MSRA: variants seen among roughly 807,000 people sequenced by gnomAD.
MSRA encodes methionine sulfoxide reductase A.
MSRA carries 54 observed loss-of-function variants against 31.3 expected under a neutral mutation model. The observed-to-expected ratio is 1.73, with a 90% CI of 1.39 to 2.17. The LOEUF (loss-of-function observed/expected upper bound fraction) is 2.17. Among genes scored for constraint, MSRA ranks in the 30% most tolerant of loss-of-function variants. MSRA has a pLI of 0.00. For missense variants in MSRA, 507 were observed against 300.9 expected (o/e 1.69, Z -5.07); for synonymous variants, 169 against 116.5 (o/e 1.45, Z -2.90).
intron 1 of MSRA, among the ~76,000 whole-genome samples, chr8:10,104,912 C>G (rs897346346): frequency 2.0e-5 from 3 of 152,130 alleles, no homozygotes; most frequent in Non-Finnish European, 4.4e-5. Context: ...GCTAGAGTAT[C>G]AATGTTCTTG....
At chr8:10,339,450 A>ATTCAGTGTCT (rs1033124596) in intron 5 of MSRA, among the ~76,000 whole-genome samples, 3 of 151,510 alleles carry the variant, frequency 2.0e-5, no homozygotes, top group Non-Finnish European at 2.9e-5. Context: ...AGTACAATGA[A>ATTCAGTGTCT]TTCAGTGTCT....
intron 2 of MSRA, among the ~76,000 whole-genome samples, chr8:10,227,119 A>G (rs1020477972): frequency 1.3e-5 from 2 of 152,178 alleles, no homozygotes; most frequent in African/African-American, 4.8e-5. Flanking sequence ...CATTCTGAGG[A>G]GAGCAGATAG....
chr8:10,269,013 T>A (rs1357140397), intron 3 of MSRA, among the ~76,000 whole-genome samples: 1 of 152,248 alleles, frequency 6.6e-6, no homozygotes, highest in Non-Finnish European at 1.5e-5. Context: ...CAAACCCATT[T>A]GCAGGTGCGC....
At chr8:10,241,350 G>A (rs1812394925) in intron 2 of MSRA, among the ~76,000 whole-genome samples, 1 of 152,042 alleles carries the variant, frequency 6.6e-6, no homozygotes, top group Non-Finnish European at 1.5e-5. Context: ...ATTTGAAGAG[G>A]GTCTCACTGG....
chr8:10,221,369 C>T (rs1810477952), intron 2 of MSRA, among the ~76,000 whole-genome samples: 1 of 151,792 alleles, frequency 6.6e-6, no homozygotes, highest in African/African-American at 2.4e-5. Flanking sequence ...ACACTTGTAC[C>T]AGCACCACCC....
intron 5 of MSRA, among the ~76,000 whole-genome samples, chr8:10,400,239 G>T (rs976286922): frequency 4.6e-5 from 7 of 152,076 alleles, no homozygotes; most frequent in South Asian, 4.1e-4. Flanking sequence ...AGGGAGAGGG[G>T]CTAAGAGTGG....
At chr8:10,144,128 C>T (rs947835238) in intron 1 of MSRA, among the ~76,000 whole-genome samples, 4 of 152,166 alleles carry the variant, frequency 2.6e-5, no homozygotes, top group African/African-American at 7.2e-5. Flanking sequence ...GGATCGCCAC[C>T]ATCTTTAGGA....
At chr8:10,114,421 C>T (rs1385274782) in intron 1 of MSRA, among the ~76,000 whole-genome samples, 1 of 152,190 alleles carries the variant, frequency 6.6e-6, no homozygotes, top group Non-Finnish European at 1.5e-5. Flanking sequence ...AACTGTTTTT[C>T]ACAATAGCTG....
intron 5 of MSRA, among the ~76,000 whole-genome samples, chr8:10,323,127 G>A (rs1436571093): frequency 6.7e-6 from 1 of 148,904 alleles, no homozygotes; most frequent in African/African-American, 2.5e-5. Flanking sequence ...AGAGGGCTTA[G>A]TACCCGAGGA....
At chr8:10,259,566 C>A (rs1046908966) in intron 3 of MSRA, among the ~76,000 whole-genome samples, 6 of 152,136 alleles carry the variant, frequency 3.9e-5, no homozygotes, top group African/African-American at 1.2e-4. Context: ...CCCTCCCTTT[C>A]CCCATTCCCA....
chr8:10,221,635 G>A (rs577007922), intron 2 of MSRA, among the ~76,000 whole-genome samples: 1 of 152,094 alleles, frequency 6.6e-6, no homozygotes, highest in African/African-American at 2.4e-5. Flanking sequence ...ATCTCTAGCA[G>A]CTTATACTCC....
At chr8:10,110,599 G>T (rs1800208170) in intron 1 of MSRA, among the ~76,000 whole-genome samples, 1 of 152,220 alleles carries the variant, frequency 6.6e-6, no homozygotes, top group Non-Finnish European at 1.5e-5. Context: ...TTTGGAGGAT[G>T]AGTTAAATAT....
At chr8:10,071,458 CTTTT>C (rs77512999) in intron 1 of MSRA, among the ~76,000 whole-genome samples, 1 of 129,272 alleles carries the variant, frequency 7.7e-6, no homozygotes, top group Non-Finnish European at 1.6e-5. Flanking sequence ...TTTTAATTTT[CTTTT>C]TTTTTTTTTT....
At chr8:10,171,024 T>G (rs994089754) in intron 1 of MSRA, among the ~76,000 whole-genome samples, 3 of 152,160 alleles carry the variant, frequency 2.0e-5, no homozygotes, top group Non-Finnish European at 2.9e-5. Context: ...AAGCAGTCAG[T>G]TTTTCACCAT....
chr8:10,187,094 C>G (rs1227146011), intron 1 of MSRA, among the ~76,000 whole-genome samples: 2 of 152,176 alleles, frequency 1.3e-5, no homozygotes, highest in Non-Finnish European at 2.9e-5. Context: ...ATTTTAAAGA[C>G]ATGGGTACCT....
At chr8:10,321,953 GT>G (rs1802068340) in intron 5 of MSRA, among the ~76,000 whole-genome samples, 1 of 152,208 alleles carries the variant, frequency 6.6e-6, no homozygotes, top group Non-Finnish European at 1.5e-5. Flanking sequence ...AAGCTGCTAA[GT>G]TTTAGAGTAA....
intron 5 of MSRA, among the ~76,000 whole-genome samples, chr8:10,355,350 G>T (rs1000946065): frequency 6.6e-6 from 1 of 152,218 alleles, no homozygotes; most frequent in Non-Finnish European, 1.5e-5. Flanking sequence ...AAGCTTTATC[G>T]CCGATAGATA....
chr8:10,333,650 A>G (rs1802839159), intron 5 of MSRA, among the ~76,000 whole-genome samples: 1 of 152,176 alleles, frequency 6.6e-6, no homozygotes, highest in South Asian at 2.1e-4. Flanking sequence ...AGTGTCTGTC[A>G]CAGAACAGGG....
intron 4 of MSRA, among the ~76,000 whole-genome samples, chr8:10,316,527 CCTCTCTCTCTCTCTCTCTCTCTCT>C (rs139421344): frequency 7.1e-5 from 8 of 112,548 alleles, no homozygotes; most frequent in African/African-American, 2.5e-4. Flanking sequence ...TTTGATGATC[CCTCTCTCTCTCTCTCTCTCTCTCT>C]CTCTCTCTCT....
Sources: allele counts gnomAD v4.1 joint callset (sites outside exome capture counted in the v4.1 genomes callset), GRCh38; gene constraint gnomAD v4.1.1; transcripts MANE v1.5; gene names NCBI Gene and HGNC (gene_info 2026-07-23, HGNC 2026-07-21).